Variants in RGL1 observed in about 807,000 individuals in gnomAD.
RGL1 encodes the protein ral guanine nucleotide dissociation stimulator like 1.
Under a neutral mutation model 95.2 loss-of-function variants are expected in RGL1, and 24 were observed. That is an observed-to-expected ratio of 0.25 (90% CI 0.18 to 0.35). The LOEUF (loss-of-function observed/expected upper bound fraction) is 0.35, where lower values mean the gene tolerates loss of function less well. Among genes scored for constraint, RGL1 ranks in the 10% least tolerant of loss-of-function variants. The pLI is 1.00. For synonymous variants in RGL1, 329 were observed against 344.9 expected, an observed-to-expected ratio of 0.95 and a Z score of 0.51; for missense variants, 715 against 936.3, an observed-to-expected ratio of 0.76 and a Z score of 3.08.
intron 1 of RGL1, among the ~76,000 whole-genome samples, chr1:183,732,474 C>T (rs1656686205): frequency 6.6e-6 from 1 of 152,154 alleles, no homozygotes; most frequent in African/African-American, 2.4e-5. Context: ...TACATTCCAT[C>T]CACCCCTCAT....
chr1:183,806,596 T>A, intron 2 of RGL1, 111 bp downstream of exon 2: 1 of 722,510 alleles, frequency 1.4e-6, no homozygotes, highest in Non-Finnish European at 2.3e-6. Flanking sequence ...CTTTTCGCTT[T>A]AAAAAGGAAA....
At chr1:183,899,702 C>T (rs1167971187) in intron 10 of RGL1, among the ~76,000 whole-genome samples, 1 of 152,168 alleles carries the variant, frequency 6.6e-6, no homozygotes, top group East Asian at 1.9e-4. Flanking sequence ...GAGAGTTAGT[C>T]ACCAAGTCTA....
intron 2 of RGL1, among the ~76,000 whole-genome samples, chr1:183,832,490 A>G (rs1411301257): frequency 6.6e-6 from 1 of 152,224 alleles, no homozygotes; most frequent in Admixed American, 6.5e-5. Flanking sequence ...CTAAGGATAT[A>G]TGTGTGGGAT....
At chr1:183,877,962 A>T (rs1178269574) in intron 4 of RGL1, among the ~76,000 whole-genome samples, 1 of 152,224 alleles carries the variant, frequency 6.6e-6, no homozygotes, top group African/African-American at 2.4e-5. Flanking sequence ...GAGCATGCAG[A>T]GATGGAGGCA....
At chr1:183,822,852 C>T (rs1027983023) in intron 2 of RGL1, among the ~76,000 whole-genome samples, 4 of 152,188 alleles carry the variant, frequency 2.6e-5, no homozygotes, top group Admixed American at 1.3e-4. Flanking sequence ...TTTCCTATGT[C>T]TCACTTTTGC....
chr1:183,832,282 A>G (rs1264374694), intron 2 of RGL1, among the ~76,000 whole-genome samples: 5 of 152,234 alleles, frequency 3.3e-5, no homozygotes, highest in Non-Finnish European at 4.4e-5. Context: ...GACTTGGGTC[A>G]TTAAGTCAGA....
chr1:183,710,969 A>G (rs1472524690), intron 1 of RGL1, among the ~76,000 whole-genome samples: 1 of 152,136 alleles, frequency 6.6e-6, no homozygotes. Context: ...ATGCTTACAT[A>G]TGTCTTCTCT....
intron 1 of RGL1, among the ~76,000 whole-genome samples, chr1:183,654,041 T>G (rs1353259563): frequency 6.6e-6 from 1 of 152,208 alleles, no homozygotes; most frequent in Non-Finnish European, 1.5e-5. Flanking sequence ...CTATTGGCTG[T>G]AAGCAGACAT....
intron 2 of RGL1, among the ~76,000 whole-genome samples, chr1:183,771,622 T>C (rs1238134043): frequency 6.6e-6 from 1 of 152,224 alleles, no homozygotes; most frequent in Non-Finnish European, 1.5e-5. Flanking sequence ...ATCCTTCCTT[T>C]TGATACGTGA....
At chr1:183,862,654 G>C (rs1021446285) in intron 3 of RGL1, among the ~76,000 whole-genome samples, 1 of 152,142 alleles carries the variant, frequency 6.6e-6, no homozygotes, top group African/African-American at 2.4e-5. Flanking sequence ...GATACTTGTA[G>C]AAGCATAAAT....
chr1:183,825,418 A>G (rs1662778483), intron 2 of RGL1, among the ~76,000 whole-genome samples: 2 of 152,184 alleles, frequency 1.3e-5, no homozygotes, highest in African/African-American at 4.8e-5. Context: ...TCAGAAAAGC[A>G]TAGCTAGGGA....
At position 183,657,594 on chromosome 1, in the gene RGL1, T is replaced by C. The variant is rs377257672; in HGVS notation, c.-33+21093T>C. Among the ~76,000 whole-genome samples the C allele has an allele frequency of 5.5e-3, 841 of 152,074 alleles. 19 individuals carry two copies. The highest frequency in any genetic ancestry group is 0.04 in the Admixed American group (606 of 15,302). ...CTGAGAATGATGGTTTCCAGTTTCA[T>C]CCATGTCCCTACAAAGGACATGAAC... On this transcript the variant is annotated intron_variant, in intron 1 of 18. Transcript: ENST00000304685.
At chr1:183,808,313 C>T (rs890992799) in intron 2 of RGL1, among the ~76,000 whole-genome samples, 5 of 152,206 alleles carry the variant, frequency 3.3e-5, no homozygotes, top group African/African-American at 1.2e-4. Flanking sequence ...CTGGATTCAA[C>T]AGTAGATATG....
chr1:183,883,167 G>T (rs780061175), intron 5 of RGL1, among the ~76,000 whole-genome samples: 1 of 152,162 alleles, frequency 6.6e-6, no homozygotes, highest in Non-Finnish European at 1.5e-5. Flanking sequence ...TCTTCATGCT[G>T]TGCCCTATGT....
In RGL1 at chr1:183,892,829, G is replaced by A. The variant is rs1003204376; in HGVS notation, c.1140+668G>A. Among the ~76,000 whole-genome samples the A allele has an allele frequency of 2.0e-5, 3 of 152,274 alleles. No individual in the cohort carries two copies. In the East Asian group the frequency reaches 5.8e-4, roughly 29 times the overall value. ...AATAGTCAAATAAAGACAACTAACAGGTTGTGAACAACCATCAGAGGGGAA... is the reference window on the plus strand; with the variant it reads ...AATAGTCAAATAAAGACAACTAACAAGTTGTGAACAACCATCAGAGGGGAA... On this transcript the variant is annotated intron_variant, in intron 9 of 17. Transcript: ENST00000360851.
At chr1:183,783,706 T>C (rs1328365594) in intron 2 of RGL1, among the ~76,000 whole-genome samples, 1 of 152,198 alleles carries the variant, frequency 6.6e-6, no homozygotes, top group Admixed American at 6.5e-5. Context: ...AAATAAGACA[T>C]TTAAAATAAG....
chr1:183,799,192 A>G (rs909374244), intron 2 of RGL1, among the ~76,000 whole-genome samples: 33 of 152,130 alleles, frequency 2.2e-4, no homozygotes, highest in African/African-American at 7.7e-4. Context: ...ATGAGCCACC[A>G]TGCCTGGCCT....
chr1:183,883,246 T>C (rs1404852374), intron 5 of RGL1, among the ~76,000 whole-genome samples: 6 of 152,262 alleles, frequency 3.9e-5, no homozygotes, highest in Non-Finnish European at 8.8e-5. Context: ...TTCTGCTTCA[T>C]GCATTCTTAG....
At chr1:183,639,017 T>A (rs1649733590) in intron 1 of RGL1, among the ~76,000 whole-genome samples, 1 of 152,196 alleles carries the variant, frequency 6.6e-6, no homozygotes. Flanking sequence ...TGGTGGCTCA[T>A]GCCTGTAATC....
Sources: allele counts gnomAD v4.1 joint callset (sites outside exome capture counted in the v4.1 genomes callset), GRCh38; gene constraint gnomAD v4.1.1; transcripts MANE v1.5; gene names NCBI Gene and HGNC (gene_info 2026-07-23, HGNC 2026-07-21).